Variants in GCC2 observed in about 807,000 individuals in gnomAD.
GCC2 encodes the protein GRIP and coiled-coil domain-containing protein 2.
Under a neutral mutation model 210.6 loss-of-function variants are expected in GCC2, and 120 were observed. The ratio of observed to expected loss-of-function variants is 0.57; its 90% CI spans 0.49 to 0.66. GCC2 has a LOEUF of 0.66. Ranked by LOEUF, GCC2 falls within the 30% of genes least tolerant of loss-of-function variation. The pLI is 0.00. For synonymous variants in GCC2, 703 were observed against 652.7 expected, an observed-to-expected ratio of 1.08 and a Z score of -1.17; for missense variants, 1,868 against 1,871.9, an observed-to-expected ratio of 1.00 and a Z score of 0.04.
intron 4 of GCC2, among the ~76,000 whole-genome samples, chr2:108,462,166 TC>T (rs1278207973): frequency 2.0e-5 from 3 of 146,474 alleles, no homozygotes; most frequent in Non-Finnish European, 4.5e-5. Context: ...CCTTCTGTTC[TC>T]TCTTTGCTTT....
intron 17 of GCC2, among the ~76,000 whole-genome samples, 190 bp from the exon 18 acceptor site, chr2:108,489,648 T>G (rs1269150002): frequency 6.7e-6 from 1 of 150,202 alleles, no homozygotes; most frequent in African/African-American, 2.4e-5. Flanking sequence ...CTGTAGTGCC[T>G]AAGATTTTAA....
At chr2:108,457,191 T>C (rs1315926444) in intron 4 of GCC2, among the ~76,000 whole-genome samples, 2 of 152,218 alleles carry the variant, frequency 1.3e-5, no homozygotes, top group African/African-American at 2.4e-5. Context: ...GGACTCACTT[T>C]CATTCTTCTG....
chr2:108,484,137 T>C lies in GCC2; in HGVS notation c.3451-12T>C, dbSNP rs182525497. 11 of 1,550,956 alleles carry C rather than the reference T, an allele frequency of 7.1e-6. No homozygotes were observed. The highest frequency in any genetic ancestry group is 6.8e-5 in the East Asian group (3 of 43,936). On this transcript the variant is annotated splice_polypyrimidine_tract_variant and intron_variant, in intron 12 of 22. Transcript: ENST00000309863. ...TACTATTGTGTAAATCTTTTACTTATAAAATGTGCAGGATGCCCAACAAAC... is the reference window on the plus strand; with the variant it reads ...TACTATTGTGTAAATCTTTTACTTACAAAATGTGCAGGATGCCCAACAAAC...
intron 19 of GCC2, 108 bp downstream of exon 19, chr2:108,492,898 G>T: frequency 2.5e-6 from 2 of 792,796 alleles, no homozygotes; most frequent in Non-Finnish European, 4.2e-6. Flanking sequence ...GGTGTCACCA[G>T]TGTCAAATCT....
Position 108,449,666 on chromosome 2 carries a change from A to T in GCC2, c.40A>T (p.Thr14Ser), listed in dbSNP as rs757986667. 6.2e-7 allele frequency: 1 copy of T among 1,613,616 alleles called. No individual in the cohort carries two copies. The highest frequency in any genetic ancestry group is 1.7e-5 in the Admixed American group (1 of 60,004). ...LVQDGVASPATPGTGKSKLET... is the reference protein window; with the variant it reads ...LVQDGVASPASPGTGKSKLET... ...TCAAGATGGGGTGGCTTCACCAGCTACCCCTGGGACCGGGAAATCTAAGGT... is the reference window on the plus strand; with the variant it reads ...TCAAGATGGGGTGGCTTCACCAGCTTCCCCTGGGACCGGGAAATCTAAGGT... Residue 14 changes from threonine to serine, a missense_variant, in exon 2 of 23, where the codon ACC (threonine) becomes TCC (serine). Around this residue, in one of 3 missense-constraint regions of GCC2, gnomAD observed 1,847 missense variants for 1,765.2 expected, o/e 1.05. Transcript: ENST00000309863.
intron 3 of GCC2, 75 bp from the exon 4 acceptor site, chr2:108,452,324 G>C: frequency 6.1e-6 from 5 of 816,866 alleles, no homozygotes; most frequent in Non-Finnish European, 1.1e-5. Flanking sequence ...GGTTTTGTGA[G>C]AATGTACTTA....
At chr2:108,467,180 C>T (rs984549751) in intron 4 of GCC2, among the ~76,000 whole-genome samples, 2 of 152,092 alleles carry the variant, frequency 1.3e-5, no homozygotes, top group Admixed American at 6.5e-5. Context: ...ATTGGAATTG[C>T]GTGGAATCTG....
In GCC2 at chr2:108,470,838, AG is replaced by A; in HGVS notation, c.1510del (p.Glu504SerfsTer5). On this transcript the variant is annotated frameshift_variant, in exon 6 of 23. Transcript: ENST00000309863. LOFTEE classifies it high-confidence loss of function. ...LGESAGKISQEFESMKQQQAS... is the reference protein window; with the variant it reads ...LGESAGKISQXFESMKQQQAS... ...GGGAATCTGCTGGAAAAATAAGTCA[AG>A]AGTTCGAATCAATGAAGCAACAGCA... 1.2e-6 allele frequency: 2 copies of A among 1,613,908 alleles called. No individual in the cohort carries two copies. The highest frequency in any genetic ancestry group is 1.7e-6 in the Non-Finnish European group (2 of 1,179,824).
rs539902345 is a variant in GCC2 at position 108,457,125 on chromosome 2, A to G, written c.216+4659A>G. Among the ~76,000 whole-genome samples the G allele has an allele frequency of 5.1e-3, 778 of 152,112 alleles. 2 individuals carry two copies. The highest frequency in any genetic ancestry group is 0.031 in the Middle Eastern group (9 of 294). On this transcript the variant is annotated intron_variant, in intron 4 of 22. Transcript: ENST00000309863. ...TTTACACTTTTGGGTCTTATATAAT[A>G]TAAGTCTTTAATCTATTTTTGTTGA... is the stretch of plus-strand genomic sequence containing the variant.
At position 108,470,205 on chromosome 2, in the gene GCC2, G is replaced by T; in HGVS notation, c.876G>T (p.Gln292His). ...GTGAGGCAAGTGAAAAGAACATCCA[G>T]AAGAAATATGAATGTGAGTTAGAAA... ...KQCEASEKNI[Q>H]KKYECELENL... Residue 292 changes from glutamine to histidine, a missense_variant, in exon 6 of 23, where the codon CAG (glutamine) becomes CAT (histidine). Physicochemically the swap from Gln to His is conservative, Grantham distance 24. Coordinates refer to ENST00000309863, the MANE Select transcript of GCC2 (RefSeq NM_181453.4). 1 of 1,613,168 alleles carries T rather than the reference G, an allele frequency of 6.2e-7. No individual in the cohort carries two copies. The highest frequency in any genetic ancestry group is 1.1e-5 in the South Asian group (1 of 90,930).
intron 3 of GCC2, 78 bp from the exon 4 acceptor site, chr2:108,452,321 T>G: frequency 5.0e-6 from 4 of 803,198 alleles, no homozygotes; most frequent in East Asian, 2.4e-5. Context: ...GGGGGTTTTG[T>G]GAGAATGTAC....
chr2:108,479,346 T>C (rs1276962258), intron 9 of GCC2, among the ~76,000 whole-genome samples: 3 of 151,992 alleles, frequency 2.0e-5, no homozygotes, highest in Admixed American at 6.6e-5. Flanking sequence ...AAGGATCCGA[T>C]CTGGGAAGCA....
intron 17 of GCC2, 25 bp downstream of exon 17, chr2:108,487,845 A>T: frequency 6.3e-7 from 1 of 1,598,178 alleles, no homozygotes; most frequent in Middle Eastern, 1.7e-4. Context: ...AAATATGCAG[A>T]GTTTTCCTCC....
intron 21 of GCC2, among the ~76,000 whole-genome samples, chr2:108,497,422 C>T (rs1682701839): frequency 6.6e-6 from 1 of 152,188 alleles, no homozygotes; most frequent in African/African-American, 2.4e-5. Flanking sequence ...AGCCAAAATA[C>T]TTCTTTTACA....
chr2:108,457,033 C>A (rs1680312703), intron 4 of GCC2, among the ~76,000 whole-genome samples: 1 of 151,110 alleles, frequency 6.6e-6, no homozygotes, highest in Non-Finnish European at 1.5e-5. Context: ...CTTTTGAGAT[C>A]TTAGCCATAA....
intron 4 of GCC2, among the ~76,000 whole-genome samples, chr2:108,464,366 C>T (rs551887790): frequency 4.9e-4 from 74 of 152,294 alleles, no homozygotes; most frequent in Non-Finnish European, 7.1e-4. Context: ...CCCAGGTTGC[C>T]GGGCAAGACA....
rs762831971 is a variant in GCC2 at position 108,484,143 on chromosome 2, G to A, written c.3451-6G>A. 2 of 1,559,258 alleles carry A rather than the reference G, an allele frequency of 1.3e-6. No homozygotes were observed. Among genetic ancestry groups the A allele is most frequent in the African/African-American group, 1.4e-5 (1 of 71,946 alleles). The stretch of plus-strand genomic sequence containing the variant: ...TGTGTAAATCTTTTACTTATAAAAT[G>A]TGCAGGATGCCCAACAAACCACATT... On this transcript the variant is annotated splice_region_variant and splice_polypyrimidine_tract_variant and intron_variant, in intron 12 of 22. Transcript: ENST00000309863.
Position 108,451,035 on chromosome 2 carries a change from C to T in GCC2, c.71C>T (p.Thr24Ile), listed in dbSNP as rs1679916406. 1 of 1,609,304 alleles carries T rather than the reference C, an allele frequency of 6.2e-7. No homozygotes were observed. Among genetic ancestry groups the T allele is most frequent in the Non-Finnish European group, 8.5e-7 (1 of 1,175,818 alleles). The change falls in exon 3 of 23, where the codon ACA (threonine) becomes ATA (isoleucine). Residue 24 changes from threonine (T) to isoleucine (I), a missense_variant. Thr to Ile is a moderately conservative substitution (Grantham distance 89). Transcript: ENST00000309863. The stretch of plus-strand genomic sequence containing the variant: ...CATGACCACATCTTTCAGCTGGAAA[C>T]ATTGCCCAAAGAAGACCTCATCAAG... ...TPGTGKSKLE[T>I]LPKEDLIKFA... is the part of the protein sequence containing the mutation.
intron 9 of GCC2, among the ~76,000 whole-genome samples, chr2:108,481,023 G>A (rs142577780): frequency 6.6e-5 from 10 of 150,666 alleles, no homozygotes; most frequent in African/African-American, 1.9e-4. Flanking sequence ...GAGAGAGAGA[G>A]AAAAACATAA....
Sources: gnomAD v4.1 joint callset for allele counts (sites outside exome capture counted in the v4.1 genomes callset) on GRCh38, gnomAD v4.1.1 for gene constraint, gnomAD v4.1.1 regional missense constraint, MANE v1.5 for transcripts, NCBI Gene and HGNC (gene_info 2026-07-23, HGNC 2026-07-21) for gene names.